The following AKAP13 variants were observed in gnomAD, a reference collection of about 807,000 sequenced individuals.
AKAP13 encodes the protein A-kinase anchoring protein 13.
In AKAP13, 80 loss-of-function variants were observed where a neutral mutation model predicts 264.5. The observed-to-expected ratio is 0.30, with a 90% CI of 0.25 to 0.36. AKAP13 has a LOEUF of 0.36. Among genes scored for constraint, AKAP13 ranks in the 10% least tolerant of loss-of-function variants. AKAP13 has a pLI of 1.00. For synonymous variants in AKAP13, 1,380 were observed against 1,250.2 expected, an observed-to-expected ratio of 1.10 and a Z score of -2.19; for missense variants, 3,712 against 3,435.2, an observed-to-expected ratio of 1.08 and a Z score of -2.01.
In AKAP13 at chr15:85,524,563, CTG is replaced by C. The variant is rs2076951709; in HGVS notation, c.181+2994_181+2995del. Among the ~76,000 whole-genome samples the C allele has an allele frequency of 2.6e-5, 4 of 152,194 alleles. No individual in the cohort carries two copies. In the South Asian group the frequency reaches 8.3e-4, roughly 32 times the overall value. On this transcript the variant is annotated intron_variant, in intron 3 of 36. Transcript: ENST00000394518. ...TTCTTTGAGTTCTCTGTATGTTTCA[CTG>C]TGTGTTTTGTAACATTTTAGTTTTT...
intron 3 of AKAP13, among the ~76,000 whole-genome samples, chr15:85,525,183 G>A (rs12910283): frequency 0.14 from 21,180 of 149,880 alleles, 1,793 homozygotes; most frequent in South Asian, 0.35. Flanking sequence ...CTCAGCCTCC[G>A]AGTAGCTGGG....
At chr15:85,433,962 TAGGG>T (rs2073144057) in intron 1 of AKAP13, among the ~76,000 whole-genome samples, 14 of 148,558 alleles carry the variant, frequency 9.4e-5, no homozygotes, top group African/African-American at 3.5e-4. Flanking sequence ...AAATAAAAAA[TAGGG>T]AGGAGCCAAG....
At chr15:85,676,544 C>G (rs973294486) in intron 14 of AKAP13, among the ~76,000 whole-genome samples, 3 of 152,134 alleles carry the variant, frequency 2.0e-5, no homozygotes, top group African/African-American at 7.2e-5. Flanking sequence ...TAGATCTAAA[C>G]AGAGATCCGG....
intron 1 of AKAP13, among the ~76,000 whole-genome samples, chr15:85,408,497 G>T (rs1479694311): frequency 6.6e-6 from 1 of 151,530 alleles, no homozygotes; most frequent in Non-Finnish European, 1.5e-5. Context: ...TCTCCTCCGT[G>T]TCCCTGGCAA....
At chr15:85,406,305 T>C (rs2071658645) in intron 1 of AKAP13, among the ~76,000 whole-genome samples, 1 of 152,132 alleles carries the variant, frequency 6.6e-6, no homozygotes, top group South Asian at 2.1e-4. Flanking sequence ...GGACCATGAT[T>C]AAAATTCCCA....
chr15:85,689,452 C>T (rs1483948831), intron 16 of AKAP13, among the ~76,000 whole-genome samples: 8 of 152,166 alleles, frequency 5.3e-5, no homozygotes, highest in Admixed American at 5.2e-4. Flanking sequence ...AGTGAAGAAT[C>T]ACCTTTGATA....
chr15:85,461,972 G>T (rs1277340632), intron 1 of AKAP13, among the ~76,000 whole-genome samples: 1 of 152,092 alleles, frequency 6.6e-6, no homozygotes, highest in Non-Finnish European at 1.5e-5. Context: ...TTGCATTCCA[G>T]TGTAAATCTT....
At chr15:85,489,595 T>G (rs2075668071) in intron 2 of AKAP13, among the ~76,000 whole-genome samples, 1 of 152,226 alleles carries the variant, frequency 6.6e-6, no homozygotes. Context: ...GATTTTCATT[T>G]AGATCATATT....
chr15:85,719,683 C>G (rs912678280), intron 23 of AKAP13, among the ~76,000 whole-genome samples: 12 of 152,082 alleles, frequency 7.9e-5, no homozygotes, highest in African/African-American at 2.4e-4. Context: ...TGCCTGTAAT[C>G]CCAGCACTTT....
intron 5 of AKAP13, among the ~76,000 whole-genome samples, chr15:85,574,495 T>C (rs149116527): frequency 1.8e-4 from 27 of 152,368 alleles, no homozygotes; most frequent in African/African-American, 5.3e-4. Context: ...GCAAACTTGC[T>C]TGTTTTTTAA....
rs1346756780 is a variant in AKAP13 at position 85,693,078 on chromosome 15, G to A, written c.5290-199G>A. ...ACTGTTCCGCCTGCCCAGTTTTCGT[G>A]TGAATTTTCTAATGTAGCTTGCGTG... On this transcript the variant is annotated intron_variant, in intron 16 of 36. Coordinates refer to ENST00000394518, the MANE Select transcript of AKAP13 (RefSeq NM_007200.5). 5 of 911,944 alleles carry A rather than the reference G, an allele frequency of 5.5e-6. No individual in the cohort carries two copies. The African/African-American group carries it at 6.9e-5, about 13-fold the overall frequency. The allele number at this position is 911,944 out of a possible 1,614,324, so 56.5% of individuals were successfully genotyped here.
In AKAP13 at chr15:85,689,023, T is replaced by C. The variant is rs116987064; in HGVS notation, c.5289+4150T>C. ...TTCAAACCATCCTATCACACTGGTT[T>C]TCTTTTTTCTAAACCACAGTTACTT... On this transcript the variant is annotated intron_variant, in intron 16 of 36. Coordinates refer to ENST00000394518, the MANE Select transcript of AKAP13 (RefSeq NM_007200.5). Among the ~76,000 whole-genome samples the C allele has an allele frequency of 1.3e-4, 20 of 152,338 alleles. 1 individual carries two copies. The East Asian group carries it at 3.9e-3, about 29-fold the overall frequency.
chr15:85,548,428 A>G (rs2077831163), intron 5 of AKAP13, among the ~76,000 whole-genome samples: 1 of 152,172 alleles, frequency 6.6e-6, no homozygotes, highest in South Asian at 2.1e-4. Flanking sequence ...GAAAGATGGT[A>G]GTATAGTATG....
intron 1 of AKAP13, among the ~76,000 whole-genome samples, chr15:85,476,485 G>C (rs534124856): frequency 1.3e-5 from 2 of 152,196 alleles, no homozygotes; most frequent in Non-Finnish European, 2.9e-5. Context: ...ATTCATAACA[G>C]GCAAGAAGAA....
At chr15:85,713,392 CTT>C (rs1386817625) in intron 19 of AKAP13, among the ~76,000 whole-genome samples, 1 of 152,148 alleles carries the variant, frequency 6.6e-6, no homozygotes, top group African/African-American at 2.4e-5. Context: ...ATTGTCCTCT[CTT>C]TTTTCTTCTG....
intron 2 of AKAP13, among the ~76,000 whole-genome samples, chr15:85,489,472 A>G (rs1183704741): frequency 1.3e-5 from 2 of 152,216 alleles, no homozygotes; most frequent in African/African-American, 2.4e-5. Context: ...GCAGGGATTT[A>G]TGCTGTTTTG....
intron 1 of AKAP13, among the ~76,000 whole-genome samples, chr15:85,464,352 G>A (rs1289035584): frequency 6.6e-6 from 1 of 152,184 alleles, no homozygotes; most frequent in Admixed American, 6.5e-5. Context: ...TGACTCCAGA[G>A]TTTATAACTT....
At chr15:85,555,710 G>T (rs186932319) in intron 5 of AKAP13, among the ~76,000 whole-genome samples, 1 of 152,308 alleles carries the variant, frequency 6.6e-6, no homozygotes, top group Admixed American at 6.5e-5. Context: ...TCTTGCGCAT[G>T]CTAGGCAAGG....
intron 1 of AKAP13, among the ~76,000 whole-genome samples, chr15:85,442,016 C>A (rs1476117753): frequency 2.0e-5 from 3 of 152,178 alleles, no homozygotes; most frequent in African/African-American, 7.2e-5. Context: ...AAGAAGGTGA[C>A]TCTGTTATCC....
Sources: gnomAD v4.1 joint callset for allele counts (sites outside exome capture counted in the v4.1 genomes callset) on GRCh38, gnomAD v4.1.1 for gene constraint, MANE v1.5 for transcripts, NCBI Gene and HGNC (gene_info 2026-07-23, HGNC 2026-07-21) for gene names.